CEP63: variants seen among roughly 807,000 people sequenced by gnomAD.
The protein encoded by CEP63 is centrosomal protein of 63 kDa.
CEP63 carries 84 observed loss-of-function variants against 89.1 expected under a neutral mutation model. The observed-to-expected ratio is 0.94, with a 90% confidence interval of 0.79 to 1.13. The LOEUF is 1.13. Among genes scored for constraint, CEP63 ranks in the 50% most tolerant of loss-of-function variants. CEP63 has a pLI of 0.00. For synonymous variants in CEP63, 267 were observed against 272.5 expected, an observed-to-expected ratio of 0.98 and a Z score of 0.20; for missense variants, 838 against 813.3, an observed-to-expected ratio of 1.03 and a Z score of -0.37.
chr3:134,628,093 CTT>C, the CEP63 span: 1 of 473,692 alleles, frequency 2.1e-6, no homozygotes, highest in Admixed American at 3.5e-5. Flanking sequence ...TGACCTAACA[CTT>C]TGGGTGATTC....
the CEP63 span, chr3:134,612,939 T>C: frequency 1.3e-5 from 2 of 152,474 alleles, no homozygotes; most frequent in South Asian, 4.1e-4. Flanking sequence ...TTTTTAATAA[T>C]GATTATGTGT....
chr3:134,755,003 G>A, the CEP63 span, among the ~76,000 whole-genome samples: 2 of 152,242 alleles, frequency 1.3e-5, no homozygotes, highest in African/African-American at 4.8e-5. Flanking sequence ...GCCAAGACAT[G>A]TGGGTCCCTG....
intron 6 of CEP63, among the ~76,000 whole-genome samples, chr3:134,537,848 T>C (rs890586380): frequency 1.3e-5 from 2 of 152,246 alleles, no homozygotes; most frequent in Admixed American, 6.5e-5. Flanking sequence ...CACATGGCAA[T>C]GGTGTGCACA....
downstream of CEP63, among the ~76,000 whole-genome samples, chr3:134,576,906 A>G (rs1958226471): frequency 6.6e-6 from 1 of 152,162 alleles, no homozygotes; most frequent in South Asian, 2.1e-4. Context: ...TGGCTGCTCA[A>G]TTTTTTAATG....
the CEP63 span, among the ~76,000 whole-genome samples, chr3:134,606,543 C>G: frequency 6.6e-6 from 1 of 152,170 alleles, no homozygotes; most frequent in Non-Finnish European, 1.5e-5. Flanking sequence ...CAGCTTCTCT[C>G]CTAGCCCTGG....
downstream of CEP63, among the ~76,000 whole-genome samples, chr3:134,588,641 A>G (rs998081038): frequency 2.6e-5 from 4 of 152,182 alleles, no homozygotes; most frequent in South Asian, 2.1e-4. Context: ...GAGAAAGTAA[A>G]TGATCTAAAT....
intron 6 of CEP63, among the ~76,000 whole-genome samples, chr3:134,544,125 C>CT: frequency 6.6e-6 from 1 of 152,274 alleles, no homozygotes; most frequent in Middle Eastern, 3.4e-3. Context: ...TGGACCTGTA[C>CT]TGTAAATAAT....
chr3:134,496,585 T>G (rs1372464609), intron 2 of CEP63, among the ~76,000 whole-genome samples: 1 of 152,198 alleles, frequency 6.6e-6, no homozygotes, highest in Non-Finnish European at 1.5e-5. Flanking sequence ...CAGGCTGTTA[T>G]CAAGACAGCT....
chr3:134,642,186 C>T, the CEP63 span, among the ~76,000 whole-genome samples: 3 of 152,302 alleles, frequency 2.0e-5, no homozygotes, highest in South Asian at 2.1e-4. Context: ...TACCTGCCAG[C>T]GCCTTTCTAT....
chr3:134,613,504 C>T, the CEP63 span, among the ~76,000 whole-genome samples: 1 of 152,180 alleles, frequency 6.6e-6, no homozygotes, highest in Non-Finnish European at 1.5e-5. Context: ...AAGGTCACCT[C>T]CCAGGTCTGG....
the CEP63 span, among the ~76,000 whole-genome samples, chr3:134,616,793 C>T: frequency 6.6e-6 from 1 of 152,108 alleles, no homozygotes; most frequent in East Asian, 1.9e-4. Flanking sequence ...AGGAAAACTC[C>T]ACAGAGCAAA....
intron 6 of CEP63, among the ~76,000 whole-genome samples, chr3:134,544,695 C>T (rs957637727): frequency 2.0e-5 from 3 of 151,510 alleles, no homozygotes; most frequent in Non-Finnish European, 2.9e-5. Flanking sequence ...TCTAAACTTC[C>T]ATCAGAAATA....
downstream of CEP63, among the ~76,000 whole-genome samples, chr3:134,566,882 G>C (rs1410655787): frequency 6.6e-6 from 1 of 152,154 alleles, no homozygotes; most frequent in Admixed American, 6.5e-5. Flanking sequence ...TCCTCAAAAA[G>C]AGTTACCATA....
chr3:134,770,872 G>A, the CEP63 span, among the ~76,000 whole-genome samples: 1 of 152,182 alleles, frequency 6.6e-6, no homozygotes, highest in East Asian at 1.9e-4. Context: ...TAGTGCATAT[G>A]CTGACTAGCT....
chr3:134,556,368 GATTT>G (rs1956175281), intron 12 of CEP63, among the ~76,000 whole-genome samples: 1 of 151,926 alleles, frequency 6.6e-6, no homozygotes. Context: ...TTTTCGAAAG[GATTT>G]ATTTTTAAAG....
At chr3:134,655,943 C>T in the CEP63 span, among the ~76,000 whole-genome samples, 1 of 152,278 alleles carries the variant, frequency 6.6e-6, no homozygotes, top group South Asian at 2.1e-4. Context: ...GAGCATTCAG[C>T]AGTCTTCAGG....
At chr3:134,755,511 A>G in the CEP63 span, 305 of 152,354 alleles carry the variant, frequency 2.0e-3, 4 homozygotes, top group East Asian at 0.048. Flanking sequence ...GCCTCTGAGC[A>G]GGAGAAATCA....
chr3:134,583,022 G>A (rs1330565949), intron 10 of CEP63, among the ~76,000 whole-genome samples: 1 of 152,060 alleles, frequency 6.6e-6, no homozygotes, highest in African/African-American at 2.4e-5. Context: ...TTTTTGATGG[G>A]GTTGTTTGTT....
chr3:134,588,331 A>G (rs115405971), downstream of CEP63, among the ~76,000 whole-genome samples: 2,804 of 152,272 alleles, frequency 0.018, 65 homozygotes, highest in African/African-American at 0.055. Flanking sequence ...CTAATATTAA[A>G]CATATGTTGA....
Sources: allele counts gnomAD v4.1 joint callset (sites outside exome capture counted in the v4.1 genomes callset), GRCh38; gene constraint gnomAD v4.1.1; transcripts MANE v1.5; gene names NCBI Gene and HGNC (gene_info 2026-07-23, HGNC 2026-07-21).